LRP1B: variants seen among roughly 807,000 people sequenced by gnomAD.
The protein encoded by LRP1B is LDL receptor related protein 1B, also known as low-density lipoprotein receptor-related protein 1B.
Under a neutral mutation model 556.6 loss-of-function variants are expected in LRP1B, and 217 were observed. That is an observed-to-expected ratio of 0.39 (90% CI 0.35 to 0.44). LRP1B has a LOEUF of 0.44. LRP1B is among the 20% of genes least tolerant of loss of function. The probability of loss-of-function intolerance (pLI) is 1.00; values close to 1 mark genes in which losing one functional copy is unlikely to be tolerated. For missense variants in LRP1B, 5,053 were observed against 5,620.8 expected (o/e 0.90, Z 3.23); for synonymous variants, 2,047 against 1,865.8 (o/e 1.10, Z -2.50).
At chr2:140,856,716 C>T (rs1024182202) in intron 27 of LRP1B, among the ~76,000 whole-genome samples, 3 of 151,246 alleles carry the variant, frequency 2.0e-5, no homozygotes, top group Non-Finnish European at 2.9e-5. Context: ...ACAGGTGATA[C>T]GCTGGCGGGA....
At chr2:141,488,328 G>A (rs535986910) in intron 2 of LRP1B, among the ~76,000 whole-genome samples, 4 of 152,176 alleles carry the variant, frequency 2.6e-5, no homozygotes, top group South Asian at 4.2e-4. Context: ...TAAGATGTCC[G>A]TGAAATTCAG....
intron 2 of LRP1B, among the ~76,000 whole-genome samples, chr2:141,744,957 G>T (rs1391295644): frequency 6.6e-6 from 1 of 152,132 alleles, no homozygotes. Context: ...GTACTACTTG[G>T]TGATCTTGGA....
At chr2:141,605,084 GT>G (rs1687867603) in intron 2 of LRP1B, among the ~76,000 whole-genome samples, 2 of 151,906 alleles carry the variant, frequency 1.3e-5, no homozygotes, top group Non-Finnish European at 2.9e-5. Context: ...GGCTGGCAAA[GT>G]GACCAAGAAA....
At chr2:141,658,072 A>G (rs1173639472) in intron 2 of LRP1B, among the ~76,000 whole-genome samples, 2 of 152,146 alleles carry the variant, frequency 1.3e-5, no homozygotes, top group African/African-American at 4.8e-5. Flanking sequence ...TTTACATCAG[A>G]CTCAAGCAGA....
At chr2:140,803,625 T>C (rs953779679) in intron 32 of LRP1B, among the ~76,000 whole-genome samples, 5 of 151,840 alleles carry the variant, frequency 3.3e-5, no homozygotes, top group Admixed American at 6.6e-5. Context: ...CAAAACATAA[T>C]GCAAAACCTC....
At chr2:141,412,206 T>C (rs968430414) in intron 3 of LRP1B, among the ~76,000 whole-genome samples, 2 of 152,170 alleles carry the variant, frequency 1.3e-5, no homozygotes, top group African/African-American at 4.8e-5. Flanking sequence ...ATTATGACTT[T>C]TAATTCCAGG....
chr2:140,512,106 A>G (rs1225827472), intron 51 of LRP1B, among the ~76,000 whole-genome samples: 3 of 152,194 alleles, frequency 2.0e-5, no homozygotes, highest in African/African-American at 7.2e-5. Flanking sequence ...CAAGGCAGTC[A>G]TAATAGAAAG....
chr2:141,009,623 T>A (rs1697682374), intron 14 of LRP1B, among the ~76,000 whole-genome samples: 1 of 151,970 alleles, frequency 6.6e-6, no homozygotes, highest in African/African-American at 2.4e-5. Flanking sequence ...TATAAAATAA[T>A]GTGATTAATA....
chr2:141,346,229 A>G (rs571260372), intron 3 of LRP1B, among the ~76,000 whole-genome samples: 1 of 152,152 alleles, frequency 6.6e-6, no homozygotes, highest in South Asian at 2.1e-4. Context: ...GATTTTGCTT[A>G]TATTTAAGAG....
At chr2:140,939,322 TGAA>T (rs1248024665) in intron 20 of LRP1B, among the ~76,000 whole-genome samples, 2 of 151,650 alleles carry the variant, frequency 1.3e-5, no homozygotes, top group East Asian at 3.9e-4. Context: ...AATGAGTAAA[TGAA>T]GAAAAAGCCA....
chr2:140,878,587 G>C (rs555406436), intron 25 of LRP1B, among the ~76,000 whole-genome samples: 1 of 152,056 alleles, frequency 6.6e-6, no homozygotes, highest in African/African-American at 2.4e-5. Context: ...GTTGTTATTT[G>C]TCAGTTGCTT....
At chr2:141,809,797 G>A (rs1696278715) in intron 2 of LRP1B, among the ~76,000 whole-genome samples, 1 of 151,936 alleles carries the variant, frequency 6.6e-6, no homozygotes, top group Non-Finnish European at 1.5e-5. Flanking sequence ...ACTGCCCTGA[G>A]ATATTAATAT....
chr2:141,530,065 T>C (rs1684819353), intron 2 of LRP1B, among the ~76,000 whole-genome samples: 2 of 152,140 alleles, frequency 1.3e-5, no homozygotes, highest in Admixed American at 6.6e-5. Context: ...GCATTGTCAT[T>C]CTAATAATAG....
chr2:140,834,120 G>T (rs779519727), intron 31 of LRP1B, among the ~76,000 whole-genome samples: 12 of 152,098 alleles, frequency 7.9e-5, no homozygotes, highest in Non-Finnish European at 1.3e-4. Flanking sequence ...GAATCTTTTT[G>T]CTGTTCTAAC....
intron 7 of LRP1B, among the ~76,000 whole-genome samples, chr2:141,124,934 C>A (rs1401887548): frequency 6.6e-6 from 1 of 152,118 alleles, no homozygotes; most frequent in East Asian, 1.9e-4. Flanking sequence ...GGACCACTAA[C>A]CTTCCACCTT....
chr2:140,881,745 T>A (rs1191464080), intron 25 of LRP1B, among the ~76,000 whole-genome samples: 1 of 152,182 alleles, frequency 6.6e-6, no homozygotes, highest in Non-Finnish European at 1.5e-5. Flanking sequence ...CCCAGAAGCA[T>A]TTTTGACTTT....
chr2:140,361,355 T>TATATAC (rs1682498479), intron 72 of LRP1B, among the ~76,000 whole-genome samples: 1 of 113,784 alleles, frequency 8.8e-6, no homozygotes, highest in South Asian at 2.9e-4. Context: ...TATATATATA[T>TATATAC]ATATATATAT....
intron 85 of LRP1B, among the ~76,000 whole-genome samples, chr2:140,274,192 G>A (rs369272401): frequency 5.4e-4 from 82 of 152,016 alleles, no homozygotes; most frequent in Middle Eastern, 3.4e-3. Context: ...TGATATGACC[G>A]TCTTATTACA....
chr2:141,086,846 C>T (rs1017408908), intron 7 of LRP1B, among the ~76,000 whole-genome samples: 1 of 152,098 alleles, frequency 6.6e-6, no homozygotes, highest in Non-Finnish European at 1.5e-5. Context: ...CAGCACAAAG[C>T]AGGATGGTAT....
Sources: allele counts gnomAD v4.1 joint callset (sites outside exome capture counted in the v4.1 genomes callset), GRCh38; gene constraint gnomAD v4.1.1; transcripts MANE v1.5; gene names NCBI Gene and HGNC (gene_info 2026-07-23, HGNC 2026-07-21).